Variants in CTNNA3 observed in about 807,000 individuals in gnomAD.
CTNNA3 encodes catenin alpha 3.
Under a neutral mutation model 95.7 loss-of-function variants are expected in CTNNA3, and 76 were observed. The ratio of observed to expected loss-of-function variants is 0.79; its 90% CI spans 0.66 to 0.96. CTNNA3 has a LOEUF of 0.96. CTNNA3 is among the 40% of genes least tolerant of loss of function. The pLI, the probability that CTNNA3 is intolerant of heterozygous loss-of-function variation, is 0.00. For synonymous variants in CTNNA3, 431 were observed against 374.4 expected, an observed-to-expected ratio of 1.15 and a Z score of -1.74; for missense variants, 1,191 against 1,089.8, an observed-to-expected ratio of 1.09 and a Z score of -1.31.
intron 1 of CTNNA3, among the ~76,000 whole-genome samples, chr10:67,695,209 G>A (rs773695589): frequency 1.3e-5 from 2 of 152,130 alleles, no homozygotes; most frequent in African/African-American, 2.4e-5. Context: ...GCATTCTCAC[G>A]TTATCTCCAG....
intron 4 of CTNNA3, among the ~76,000 whole-genome samples, chr10:67,537,789 T>C (rs1473865067): frequency 6.6e-6 from 1 of 152,212 alleles, no homozygotes; most frequent in Non-Finnish European, 1.5e-5. Context: ...CATTTGTTAG[T>C]GTCTGTATTC....
chr10:67,440,372 C>A (rs936231827), intron 5 of CTNNA3, among the ~76,000 whole-genome samples: 1 of 152,146 alleles, frequency 6.6e-6, no homozygotes, highest in African/African-American at 2.4e-5. Flanking sequence ...GAATCCCTGG[C>A]TCCTAGACAG....
Position 66,628,257 on chromosome 10 carries a change from G to C in CTNNA3, c.1282-6473C>G, listed in dbSNP as rs1845008059. 3.3e-5 allele frequency among the ~76,000 whole-genome samples: 5 copies of C among 151,958 alleles called. No individual in the cohort carries two copies. In the South Asian group the frequency reaches 1.0e-3, roughly 32 times the overall value. ...TATTGTGTCTGAAATTAACACATTT[G>C]GTGAATTCTATTTTTTAAAGTCCTG... On this transcript the variant is annotated intron_variant, in intron 9 of 17. Coordinates refer to ENST00000433211, the MANE Select transcript of CTNNA3 (RefSeq NM_013266.4).
chr10:66,730,459 G>C lies in CTNNA3; in HGVS notation c.1281+35805C>G, dbSNP rs182048407. Among the ~76,000 whole-genome samples, 433 of 152,294 alleles carry C rather than the reference G, an allele frequency of 2.8e-3. 1 individual carries two copies. The highest frequency in any genetic ancestry group is 9.5e-3 in the African/African-American group (397 of 41,582). ...CACACACTGGAGCCTGTCGGCATGG[G>C]GTGGGGACAGGGAGTGCATCAAGAA... On this transcript the variant is annotated intron_variant, in intron 9 of 17. Transcript: ENST00000433211.
chr10:67,089,163 T>C (rs1399282071), intron 7 of CTNNA3, among the ~76,000 whole-genome samples: 2 of 152,122 alleles, frequency 1.3e-5, no homozygotes, highest in African/African-American at 2.4e-5. Flanking sequence ...CAATCCCCCA[T>C]GGATACTGAG....
intron 7 of CTNNA3, among the ~76,000 whole-genome samples, chr10:67,167,746 G>C (rs1001454279): frequency 6.6e-6 from 1 of 152,176 alleles, no homozygotes. Flanking sequence ...AGGAATGACA[G>C]CATGGTGAGG....
At chr10:66,796,622 C>T (rs569328549) in intron 7 of CTNNA3, among the ~76,000 whole-genome samples, 1 of 151,950 alleles carries the variant, frequency 6.6e-6, no homozygotes, top group African/African-American at 2.4e-5. Flanking sequence ...CACAAACCTT[C>T]GATTTGTAAA....
intron 7 of CTNNA3, among the ~76,000 whole-genome samples, chr10:66,785,125 A>G (rs1840690644): frequency 6.6e-6 from 1 of 152,156 alleles, no homozygotes; most frequent in Non-Finnish European, 1.5e-5. Flanking sequence ...CTAGATCAGT[A>G]AAATAGAGAA....
At chr10:67,678,757 A>G (rs1332757040) in intron 1 of CTNNA3, among the ~76,000 whole-genome samples, 1 of 152,204 alleles carries the variant, frequency 6.6e-6, no homozygotes, top group Non-Finnish European at 1.5e-5. Context: ...CCTTCTAAAG[A>G]GCTGAGATGT....
At chr10:66,921,137 T>G (rs1248442033) in intron 7 of CTNNA3, among the ~76,000 whole-genome samples, 6 of 152,320 alleles carry the variant, frequency 3.9e-5, no homozygotes, top group Admixed American at 1.3e-4. Context: ...AAAGACAGCC[T>G]GATTTCTGGC....
At chr10:67,024,014 C>A (rs1853193288) in intron 7 of CTNNA3, among the ~76,000 whole-genome samples, 1 of 152,140 alleles carries the variant, frequency 6.6e-6, no homozygotes. Context: ...AACATATTAC[C>A]ACAAATTTAG....
chr10:66,679,542 G>C (rs4746624), intron 9 of CTNNA3, among the ~76,000 whole-genome samples: 84,224 of 151,972 alleles, frequency 0.55, 24,098 homozygotes, highest in African/African-American at 0.68. Context: ...CTGAAGGCTT[G>C]AGATGGGTGT....
At chr10:67,141,476 T>C (rs1324174917) in intron 7 of CTNNA3, among the ~76,000 whole-genome samples, 1 of 152,186 alleles carries the variant, frequency 6.6e-6, no homozygotes, top group East Asian at 1.9e-4. Context: ...GGAAGTGTGG[T>C]CATGTACGGT....
At chr10:66,220,934 G>T (rs930451612) in intron 13 of CTNNA3, among the ~76,000 whole-genome samples, 32 of 152,198 alleles carry the variant, frequency 2.1e-4, no homozygotes, top group African/African-American at 7.5e-4. Flanking sequence ...ATTCAAGCCA[G>T]AAAACAGGGA....
chr10:67,164,237 G>A (rs1442762740), intron 7 of CTNNA3, among the ~76,000 whole-genome samples: 1 of 152,048 alleles, frequency 6.6e-6, no homozygotes, highest in African/African-American at 2.4e-5. Flanking sequence ...AGTAGTCAAT[G>A]CTTTGTGATA....
intron 7 of CTNNA3, among the ~76,000 whole-genome samples, chr10:66,817,144 CA>C (rs1842119290): frequency 1.3e-5 from 2 of 151,752 alleles, no homozygotes; most frequent in South Asian, 2.1e-4. Flanking sequence ...ATGGATGTAC[CA>C]AAATCTCAGA....
At chr10:66,243,416 T>C (rs2090183343) in intron 13 of CTNNA3, among the ~76,000 whole-genome samples, 1 of 152,202 alleles carries the variant, frequency 6.6e-6, no homozygotes, top group South Asian at 2.1e-4. Flanking sequence ...GCCTGCTACC[T>C]GGAAACTTCA....
intron 5 of CTNNA3, among the ~76,000 whole-genome samples, chr10:67,499,146 C>T (rs540259417): frequency 1.2e-4 from 19 of 152,066 alleles, no homozygotes; most frequent in South Asian, 2.1e-4. Context: ...TAGCATGAAG[C>T]GGTGTTGAAT....
intron 11 of CTNNA3, among the ~76,000 whole-genome samples, chr10:66,443,447 T>C (rs921716682): frequency 6.6e-6 from 1 of 152,108 alleles, no homozygotes; most frequent in South Asian, 2.1e-4. Flanking sequence ...CGGGTATTCC[T>C]CTGGGACAAA....
Sources: gnomAD v4.1 joint callset for allele counts (sites outside exome capture counted in the v4.1 genomes callset) on GRCh38, gnomAD v4.1.1 for gene constraint, MANE v1.5 for transcripts, NCBI Gene and HGNC (gene_info 2026-07-23, HGNC 2026-07-21) for gene names.